ARK2N: variants seen among roughly 807,000 people sequenced by gnomAD.
ARK2N encodes the protein arkadia (RNF111) N-terminal like PKA signaling regulator 2N.
At chr18:46,259,918 A>C in the ARK2N span, among the ~76,000 whole-genome samples, 2 of 33,174 alleles carry the variant, frequency 6.0e-5, no homozygotes, top group Non-Finnish European at 8.1e-5. Context: ...ATGGGGTTTC[A>C]CCATGGTGCC....
At chr18:46,213,154 A>G in the ARK2N span, among the ~76,000 whole-genome samples, 4 of 151,576 alleles carry the variant, frequency 2.6e-5, no homozygotes, top group African/African-American at 9.7e-5. Context: ...GGTGCCTGCC[A>G]CCACGCCTGG....
At chr18:46,209,415 T>A in the ARK2N span, among the ~76,000 whole-genome samples, 18 of 152,044 alleles carry the variant, frequency 1.2e-4, no homozygotes, top group Non-Finnish European at 2.2e-4. Context: ...TTTTCACAAG[T>A]AGCCTCATTC....
chr18:46,243,986 C>T, the ARK2N span, among the ~76,000 whole-genome samples: 22 of 152,160 alleles, frequency 1.4e-4, no homozygotes, highest in Admixed American at 1.0e-3. Context: ...TGCACTGCAA[C>T]GAGTTGCTCT....
At chr18:46,198,085 T>G in the ARK2N span, among the ~76,000 whole-genome samples, 1 of 151,994 alleles carries the variant, frequency 6.6e-6, no homozygotes, top group Non-Finnish European at 1.5e-5. Flanking sequence ...CTGGATCACT[T>G]GAGGTCGGGA....
At chr18:46,211,374 A>C in the ARK2N span, among the ~76,000 whole-genome samples, 1 of 152,012 alleles carries the variant, frequency 6.6e-6, no homozygotes, top group Non-Finnish European at 1.5e-5. Context: ...TGCTCAGCTA[A>C]ATTTTAAATT....
chr18:46,252,710 A>G, the ARK2N span, among the ~76,000 whole-genome samples: 1 of 152,154 alleles, frequency 6.6e-6, no homozygotes, highest in Admixed American at 6.5e-5. Flanking sequence ...ACTCATTGCA[A>G]CTCTGTTTAT....
the ARK2N span, among the ~76,000 whole-genome samples, chr18:46,215,176 G>A: frequency 4.6e-5 from 7 of 152,202 alleles, no homozygotes; most frequent in East Asian, 1.9e-4. Flanking sequence ...AAAATTAGCC[G>A]GGTGTGGTGG....
At chr18:46,194,734 A>G in the ARK2N span, among the ~76,000 whole-genome samples, 1 of 150,404 alleles carries the variant, frequency 6.6e-6, no homozygotes, top group Non-Finnish European at 1.5e-5. Flanking sequence ...TTGGCCTCCC[A>G]AAGTGCTGGG....
At chr18:46,188,213 T>TA in the ARK2N span, among the ~76,000 whole-genome samples, 1 of 152,180 alleles carries the variant, frequency 6.6e-6, no homozygotes, top group African/African-American at 2.4e-5. Flanking sequence ...TATATATATA[T>TA]TTTTGAGACA....
chr18:46,235,046 C>T, the ARK2N span, among the ~76,000 whole-genome samples: 1 of 152,100 alleles, frequency 6.6e-6, no homozygotes, highest in South Asian at 2.1e-4. Flanking sequence ...GAATGATAGT[C>T]CCATGTGTCT....
At chr18:46,248,070 C>A in the ARK2N span, among the ~76,000 whole-genome samples, 18 of 152,294 alleles carry the variant, frequency 1.2e-4, no homozygotes, top group Middle Eastern at 3.4e-3. Flanking sequence ...TAGAGAGAGA[C>A]TAACATAGGT....
the ARK2N span, among the ~76,000 whole-genome samples, chr18:46,204,893 T>G: frequency 5.0e-5 from 7 of 139,864 alleles, no homozygotes; most frequent in South Asian, 6.8e-4. Context: ...AGTTTATTCG[T>G]TTTTTTTTTC....
the ARK2N span, among the ~76,000 whole-genome samples, chr18:46,199,077 G>A: frequency 1.3e-4 from 20 of 152,112 alleles, no homozygotes; most frequent in Non-Finnish European, 2.1e-4. Context: ...AAATGAGCAC[G>A]CAAAGATTAT....
At chr18:46,219,298 T>C in the ARK2N span, 1 of 152,148 alleles carries the variant, frequency 6.6e-6, no homozygotes, top group Admixed American at 6.6e-5. Flanking sequence ...ATTGATGTTT[T>C]AAGAATCTGT....
chr18:46,187,182 T>C, the ARK2N span, among the ~76,000 whole-genome samples: 1 of 150,274 alleles, frequency 6.7e-6, no homozygotes, highest in African/African-American at 2.4e-5. Context: ...AAAAGACGGC[T>C]GAGACAGGAG....
the ARK2N span, chr18:46,266,575 G>T: frequency 6.6e-6 from 1 of 152,504 alleles, no homozygotes; most frequent in East Asian, 1.9e-4. Context: ...AAATATTTTT[G>T]TTGTTGTTTT....
chr18:46,176,516 A>G, the ARK2N span, among the ~76,000 whole-genome samples: 54 of 149,974 alleles, frequency 3.6e-4, no homozygotes, highest in African/African-American at 1.2e-3. Flanking sequence ...GTGCAGTGGC[A>G]TGATCACAGC....
chr18:46,242,311 C>T, the ARK2N span, among the ~76,000 whole-genome samples: 2 of 152,026 alleles, frequency 1.3e-5, no homozygotes, highest in Non-Finnish European at 1.5e-5. Context: ...TAGATTGAAC[C>T]GTATGGAATT....
At chr18:46,183,848 G>C in the ARK2N span, among the ~76,000 whole-genome samples, 1 of 152,072 alleles carries the variant, frequency 6.6e-6, no homozygotes, top group African/African-American at 2.4e-5. Flanking sequence ...TTCTGAGTTA[G>C]AGTCTTGCTC....
Sources: gnomAD v4.1 joint callset for allele counts (sites outside exome capture counted in the v4.1 genomes callset) on GRCh38, gnomAD v4.1.1 for gene constraint, MANE v1.5 for transcripts, NCBI Gene and HGNC (gene_info 2026-07-23, HGNC 2026-07-21) for gene names.